CCDC73: variants seen among roughly 807,000 people sequenced by gnomAD.
CCDC73 encodes coiled-coil domain-containing protein 73.
A neutral mutation model predicts 116.5 loss-of-function variants in CCDC73; 95 were observed. The ratio of observed to expected loss-of-function variants is 0.82; its 90% CI spans 0.69 to 0.97. The LOEUF is 0.97. Among genes scored for constraint, CCDC73 ranks in the 50% least tolerant of loss-of-function variants. The pLI, the probability that CCDC73 is intolerant of heterozygous loss-of-function variation, is 0.00. For missense variants in CCDC73, 1,066 were observed against 1,206.8 expected (o/e 0.88, Z 1.73); for synonymous variants, 398 against 401.3 (o/e 0.99, Z 0.10).
At chr11:32,772,657 G>A (rs1850501069) in intron 1 of CCDC73, among the ~76,000 whole-genome samples, 1 of 152,072 alleles carries the variant, frequency 6.6e-6, no homozygotes, top group Non-Finnish European at 1.5e-5. Flanking sequence ...AGGAAAGAGA[G>A]GTATATAAAG....
At chr11:32,729,899 T>C (rs537534412) in intron 2 of CCDC73, among the ~76,000 whole-genome samples, 1 of 152,198 alleles carries the variant, frequency 6.6e-6, no homozygotes, top group African/African-American at 2.4e-5. Flanking sequence ...CATGCACCCA[T>C]CCAAGAAACA....
chr11:32,642,236 T>C (rs920001604), intron 12 of CCDC73, among the ~76,000 whole-genome samples, 154 bp from the exon 13 acceptor site: 6 of 152,004 alleles, frequency 3.9e-5, no homozygotes, highest in Non-Finnish European at 8.8e-5. Flanking sequence ...CATAAATTAA[T>C]GGAAAGGTGC....
chr11:32,671,174 C>A (rs1289701888), intron 9 of CCDC73, among the ~76,000 whole-genome samples: 1 of 152,076 alleles, frequency 6.6e-6, no homozygotes, highest in Non-Finnish European at 1.5e-5. Context: ...ATATTGCGCT[C>A]TTTTCTCCTT....
At chr11:32,819,436 T>C in the CCDC73 span, among the ~76,000 whole-genome samples, 1 of 150,800 alleles carries the variant, frequency 6.6e-6, no homozygotes, top group Non-Finnish European at 1.5e-5. Context: ...CCAATGAGTG[T>C]GTAAAAATAT....
At chr11:32,809,783 C>T in the CCDC73 span, among the ~76,000 whole-genome samples, 1 of 152,288 alleles carries the variant, frequency 6.6e-6, no homozygotes, top group South Asian at 2.1e-4. Flanking sequence ...TTAATCTTCT[C>T]CTTTAAATAA....
At chr11:32,715,713 C>T (rs946025070) in intron 3 of CCDC73, among the ~76,000 whole-genome samples, 22 of 152,096 alleles carry the variant, frequency 1.4e-4, no homozygotes, top group African/African-American at 5.3e-4. Flanking sequence ...ATACCTGTGT[C>T]AACACAACTT....
At chr11:32,687,125 C>T (rs1361364112) in intron 6 of CCDC73, among the ~76,000 whole-genome samples, 1 of 152,180 alleles carries the variant, frequency 6.6e-6, no homozygotes, top group Admixed American at 6.5e-5. Flanking sequence ...CCCCCAAATA[C>T]TGTGCTTAAA....
At position 32,613,598 on chromosome 11, in the gene CCDC73, G is replaced by C; in HGVS notation, c.2720C>G (p.Pro907Arg). Residue 907 changes from proline (P) to arginine (R), a missense_variant, in exon 16 of 18, where the codon CCC becomes CGC. Transcript: ENST00000335185. ...KTPVYMNFSD[P>R]GPWSKVNHIE... ...GTGATTTACTTTTGACCAAGGACCG[G>C]GGTCTGAAAAATTCATGTATACTGG... 6.2e-7 allele frequency: 1 copy of C among 1,614,024 alleles called. No homozygotes were observed. Among genetic ancestry groups the C allele is most frequent in the Non-Finnish European group, 8.5e-7 (1 of 1,180,004 alleles).
rs116321422 is a variant in CCDC73 at position 32,758,198 on chromosome 11, T to C, written c.135+1911A>G. 580 of 236,698 alleles carry C rather than the reference T, an allele frequency of 2.5e-3. 6 individuals are homozygous for C. The highest frequency in any genetic ancestry group is 0.013 in the African/African-American group (559 of 44,554). 14.7% of individuals were successfully genotyped at this position (236,698 alleles called of 1,614,324 possible). A position where few individuals can be genotyped will look rare whatever the true frequency, so the allele number is the denominator to read the frequency against. ...ATGAGGAATTTGATTGCTAGTATTA[T>C]ATACTTTTACATTTGATTATTAAAA... On this transcript the variant is annotated intron_variant, in intron 2 of 17. Transcript: ENST00000335185.
At chr11:32,651,765 A>G (rs892875819) in intron 12 of CCDC73, among the ~76,000 whole-genome samples, 7 of 152,242 alleles carry the variant, frequency 4.6e-5, no homozygotes, top group Non-Finnish European at 1.0e-4. Flanking sequence ...ATACTCATGA[A>G]ACTGGCCCTG....
chr11:32,830,063 G>T, the CCDC73 span: 1 of 988,058 alleles, frequency 1.0e-6, no homozygotes, highest in South Asian at 4.7e-5. Context: ...GAGGCCCGGA[G>T]CGTCGCCGAG....
intron 2 of CCDC73, among the ~76,000 whole-genome samples, chr11:32,726,589 T>C (rs1191621577): frequency 1.3e-5 from 2 of 152,116 alleles, no homozygotes; most frequent in Non-Finnish European, 1.5e-5. Context: ...AGTTGATCTA[T>C]ATAATTCATA....
intron 2 of CCDC73, among the ~76,000 whole-genome samples, chr11:32,720,836 T>C (rs1849983635): frequency 6.6e-6 from 1 of 152,130 alleles, no homozygotes; most frequent in Non-Finnish European, 1.5e-5. Flanking sequence ...GGAAGAGGCA[T>C]GAGGGAGCTT....
At chr11:32,644,074 C>T (rs182140581) in intron 12 of CCDC73, among the ~76,000 whole-genome samples, 1 of 152,054 alleles carries the variant, frequency 6.6e-6, no homozygotes, top group East Asian at 1.9e-4. Context: ...AGCAAAGGCA[C>T]AGAATCAACA....
intron 6 of CCDC73, among the ~76,000 whole-genome samples, chr11:32,683,845 G>A (rs1186909357): frequency 6.6e-6 from 1 of 152,180 alleles, no homozygotes; most frequent in Non-Finnish European, 1.5e-5. Flanking sequence ...TAAAAGGTAT[G>A]CATGTTAGAG....
intron 9 of CCDC73, among the ~76,000 whole-genome samples, chr11:32,659,213 G>A (rs201847): frequency 0.41 from 62,071 of 151,938 alleles, 12,993 homozygotes; most frequent in Middle Eastern, 0.45. Flanking sequence ...AAGGAGAGTT[G>A]CATGAATTTT....
At chr11:32,754,133 C>T (rs1349088456) in intron 2 of CCDC73, among the ~76,000 whole-genome samples, 2 of 152,188 alleles carry the variant, frequency 1.3e-5, no homozygotes, top group Non-Finnish European at 2.9e-5. Context: ...TGGCTATTCT[C>T]ATGCATTTTT....
At chr11:32,724,952 G>A (rs949022627) in intron 2 of CCDC73, among the ~76,000 whole-genome samples, 3 of 151,850 alleles carry the variant, frequency 2.0e-5, no homozygotes, top group Non-Finnish European at 4.4e-5. Context: ...TTGTTGATTC[G>A]GACTGTTAAT....
intron 13 of CCDC73, among the ~76,000 whole-genome samples, chr11:32,639,515 T>C (rs983413546): frequency 1.3e-5 from 2 of 152,140 alleles, no homozygotes; most frequent in Non-Finnish European, 2.9e-5. Flanking sequence ...AGTGGTGCGA[T>C]CTCGGCTCAC....
Sources: allele counts gnomAD v4.1 joint callset (sites outside exome capture counted in the v4.1 genomes callset), GRCh38; gene constraint gnomAD v4.1.1; transcripts MANE v1.5; gene names NCBI Gene and HGNC (gene_info 2026-07-23, HGNC 2026-07-21).